Variants in LNP1 observed in about 807,000 individuals in gnomAD.
The protein encoded by LNP1 is leukemia NUP98 fusion partner 1.
A neutral mutation model predicts 14.5 loss-of-function variants in LNP1; 12 were observed. That is an observed-to-expected ratio of 0.83 (90% CI 0.53 to 1.34). The LOEUF (loss-of-function observed/expected upper bound fraction) is 1.34. Ranked by LOEUF, LNP1 falls within the 40% of genes most tolerant of loss-of-function variation. LNP1 has a pLI of 0.00. For synonymous variants in LNP1, 75 were observed against 71.4 expected (o/e 1.05, Z -0.26); for missense variants, 198 against 210.9 (o/e 0.94, Z 0.38).
intron 1 of LNP1, among the ~76,000 whole-genome samples, chr3:100,404,802 T>C (rs1472847911): frequency 6.6e-6 from 1 of 151,090 alleles, no homozygotes; most frequent in African/African-American, 2.4e-5. Context: ...TTTTTTTTTT[T>C]TTTTTTCCAA....
intron 2 of LNP1, among the ~76,000 whole-genome samples, chr3:100,438,702 G>A (rs1707314990): frequency 6.6e-6 from 1 of 152,200 alleles, no homozygotes; most frequent in Admixed American, 6.5e-5. Context: ...AGGGGAAAGA[G>A]TCATGCTGTT....
chr3:100,417,083 C>T (rs1331837951), intron 1 of LNP1, among the ~76,000 whole-genome samples: 1 of 152,060 alleles, frequency 6.6e-6, no homozygotes, highest in Non-Finnish European at 1.5e-5. Flanking sequence ...TGCTTTTTGG[C>T]AACCATACTT....
intron 2 of LNP1, among the ~76,000 whole-genome samples, chr3:100,445,744 A>G (rs192275944): frequency 6.6e-6 from 1 of 152,320 alleles, no homozygotes; most frequent in Non-Finnish European, 1.5e-5. Flanking sequence ...AAGCAACTTC[A>G]GCAAAGTCTC....
At chr3:100,451,468 C>T (rs1287647239) in intron 2 of LNP1, among the ~76,000 whole-genome samples, 4 of 152,140 alleles carry the variant, frequency 2.6e-5, no homozygotes, top group Non-Finnish European at 4.4e-5. Flanking sequence ...TGTCTCAATG[C>T]ATGAGATAAA....
intron 1 of LNP1, among the ~76,000 whole-genome samples, chr3:100,422,424 C>T (rs1707152492): frequency 6.6e-6 from 1 of 152,008 alleles, no homozygotes; most frequent in Non-Finnish European, 1.5e-5. Flanking sequence ...ACCTTGTGAT[C>T]CGCCTGCCTC....
intron 2 of LNP1, among the ~76,000 whole-genome samples, chr3:100,443,389 T>G (rs1011088763): frequency 6.6e-6 from 1 of 152,260 alleles, no homozygotes; most frequent in Non-Finnish European, 1.5e-5. Context: ...ACTGCTGTGC[T>G]TTATTATACT....
chr3:100,404,993 C>T (rs184807837), intron 1 of LNP1, among the ~76,000 whole-genome samples: 53 of 152,058 alleles, frequency 3.5e-4, no homozygotes, highest in Non-Finnish European at 5.9e-4. Context: ...GGGGTTTCAC[C>T]GTGTTAGCCA....
chr3:100,407,963 C>A (rs1253364077), intron 1 of LNP1, among the ~76,000 whole-genome samples: 1 of 152,160 alleles, frequency 6.6e-6, no homozygotes, highest in Non-Finnish European at 1.5e-5. Context: ...TGGTAAATTT[C>A]TCATCTGACC....
intron 1 of LNP1, among the ~76,000 whole-genome samples, chr3:100,408,877 T>C (rs1706997451): frequency 6.6e-6 from 1 of 152,214 alleles, no homozygotes; most frequent in Non-Finnish European, 1.5e-5. Context: ...ATGTGTCTTT[T>C]CTTATTATTA....
rs1707403910 is a variant in LNP1 at position 100,447,933 on chromosome 3, T to A, written c.157-3786T>A. 1.3e-5 allele frequency among the ~76,000 whole-genome samples: 2 copies of A among 152,208 alleles called. 1 individual carries two copies. The highest frequency in any genetic ancestry group is 4.1e-4 in the South Asian group (2 of 4,834). ...CTTTTTTAAAATGACACACCTTTTCTTTAAGAAAGAATGTTTTCCTACAAA... is the reference window on the plus strand; with the variant it reads ...CTTTTTTAAAATGACACACCTTTTCATTAAGAAAGAATGTTTTCCTACAAA... On this transcript the variant is annotated intron_variant, in intron 2 of 3. Transcript: ENST00000383693.
intron 2 of LNP1, among the ~76,000 whole-genome samples, chr3:100,434,172 T>G (rs1337569786): frequency 6.6e-6 from 1 of 152,212 alleles, no homozygotes; most frequent in Non-Finnish European, 1.5e-5. Context: ...CTGCCTAGGT[T>G]TTCTTCTAGG....
chr3:100,451,650 A>G (rs1224184826), intron 2 of LNP1, 69 bp from the exon 3 acceptor site: 1 of 623,862 alleles, frequency 1.6e-6, no homozygotes, highest in Non-Finnish European at 2.7e-6. Context: ...TAGTTTATAA[A>G]CATTCTGCCT....
At chr3:100,416,406 C>G (rs1284429094) in intron 1 of LNP1, among the ~76,000 whole-genome samples, 2 of 152,038 alleles carry the variant, frequency 1.3e-5, no homozygotes, top group East Asian at 3.9e-4. Flanking sequence ...TTCAGGAAGC[C>G]CTGTTTTGTT....
chr3:100,429,545 A>G (rs1205047978), intron 1 of LNP1, among the ~76,000 whole-genome samples, 152 bp from the exon 2 acceptor site: 1 of 152,212 alleles, frequency 6.6e-6, no homozygotes, highest in Admixed American at 6.5e-5. Context: ...AGGCTGCCTG[A>G]TGATGAAGTG....
intron 2 of LNP1, among the ~76,000 whole-genome samples, chr3:100,443,937 TA>T (rs1471251385): frequency 1.3e-5 from 2 of 152,228 alleles, no homozygotes; most frequent in African/African-American, 4.8e-5. Flanking sequence ...TGTTAAAACC[TA>T]TTGTAAATAG....
chr3:100,420,090 G>T (rs1707129168), intron 1 of LNP1, among the ~76,000 whole-genome samples: 1 of 152,054 alleles, frequency 6.6e-6, no homozygotes, highest in South Asian at 2.1e-4. Context: ...TAGTAATATT[G>T]CATTCTGATT....
At chr3:100,427,419 T>C (rs903276184) in intron 1 of LNP1, among the ~76,000 whole-genome samples, 1 of 152,158 alleles carries the variant, frequency 6.6e-6, no homozygotes, top group Non-Finnish European at 1.5e-5. Context: ...GTTGGATCTG[T>C]CATTTTGAAT....
intron 1 of LNP1, among the ~76,000 whole-genome samples, chr3:100,405,761 CT>C (rs1466081191): frequency 6.6e-6 from 1 of 152,092 alleles, no homozygotes; most frequent in Non-Finnish European, 1.5e-5. Flanking sequence ...TATTTGCTTG[CT>C]TCCCAGATAA....
At chr3:100,432,117 T>G (rs887462437) in intron 2 of LNP1, among the ~76,000 whole-genome samples, 1 of 146,386 alleles carries the variant, frequency 6.8e-6, no homozygotes. Flanking sequence ...GGAAATACCT[T>G]AAAGAGAAAA....
Sources: gnomAD v4.1 joint callset for allele counts (sites outside exome capture counted in the v4.1 genomes callset) on GRCh38, gnomAD v4.1.1 for gene constraint, MANE v1.5 for transcripts, NCBI Gene and HGNC (gene_info 2026-07-23, HGNC 2026-07-21) for gene names.